EDA: variants seen among roughly 807,000 people sequenced by gnomAD.
The protein encoded by EDA is ectodysplasin-A.
EDA carries 2 observed loss-of-function variants against 23.6 expected under a neutral mutation model. The ratio of observed to expected loss-of-function variants is 0.08; its 90% confidence interval spans 0.03 to 0.27. The LOEUF (loss-of-function observed/expected upper bound fraction) is 0.27. Ranked by LOEUF, EDA falls within the 10% of genes least tolerant of loss-of-function variation. EDA has a pLI of 1.00. For synonymous variants in EDA, 131 were observed against 132.0 expected (o/e 0.99, Z 0.05); for missense variants, 229 against 324.2 (o/e 0.71, Z 2.26).
chrX:69,664,570 G>A (rs1254477258), intron 1 of EDA, among the ~76,000 whole-genome samples: 1 of 112,008 alleles, frequency 8.9e-6, no homozygotes, highest in Non-Finnish European at 1.9e-5. Flanking sequence ...TTCTTTCTGT[G>A]TCTGGCTTAT....
chrX:69,743,051 A>G (rs1047998289), intron 1 of EDA: 1 of 111,099 alleles, frequency 9.0e-6, no homozygotes, highest in African/African-American at 3.3e-5. Context: ...CCACCGGTTA[A>G]GGCAAGTCAC....
At chrX:69,936,089 G>A (rs1186214445) in intron 1 of EDA, among the ~76,000 whole-genome samples, 11 of 107,217 alleles carry the variant, frequency 1.0e-4, no homozygotes, top group Non-Finnish European at 1.9e-5. Flanking sequence ...TACCTTTGTA[G>A]CAACTAGGAA....
chrX:69,840,719 C>T lies in EDA; in HGVS notation c.397-116308C>T, dbSNP rs1406859640. ...TGTAAAGAACATAAATTTATTTTCTCATAGTTTTGGAGGCTGGGAAGTCTA... is the reference window on the plus strand; with the variant it reads ...TGTAAAGAACATAAATTTATTTTCTTATAGTTTTGGAGGCTGGGAAGTCTA... On this transcript the variant is annotated intron_variant, in intron 1 of 7. Transcript: ENST00000374552. Among the ~76,000 whole-genome samples, 3 of 111,969 alleles carry T rather than the reference C, an allele frequency of 2.7e-5. No homozygotes were observed. In the Admixed American group the frequency reaches 2.8e-4, roughly 11 times the overall value.
chrX:69,970,699 A>G (rs1227042617), intron 2 of EDA, among the ~76,000 whole-genome samples: 1 of 111,813 alleles, frequency 8.9e-6, no homozygotes, highest in African/African-American at 3.2e-5. Flanking sequence ...TCCTCAATAG[A>G]CAGCTGTATC....
At chrX:69,623,768 T>C (rs758836902) in intron 1 of EDA, among the ~76,000 whole-genome samples, 7 of 109,425 alleles carry the variant, frequency 6.4e-5, no homozygotes, top group Non-Finnish European at 1.1e-4. Flanking sequence ...TATTTTTACA[T>C]GTGGAGAAGC....
At chrX:69,870,647 T>A (rs1329474470) in intron 1 of EDA, among the ~76,000 whole-genome samples, 4 of 111,443 alleles carry the variant, frequency 3.6e-5, no homozygotes, top group Non-Finnish European at 7.5e-5. Context: ...AAAAGGTTCA[T>A]CAGAGTTTGC....
rs766505281 is a variant in EDA at position 69,883,980 on chromosome X, C to T, written c.397-73047C>T. 5.4e-5 allele frequency among the ~76,000 whole-genome samples: 6 copies of T among 110,508 alleles called. No homozygotes were observed. The South Asian group carries it at 1.6e-3, about 29-fold the overall frequency. On this transcript the variant is annotated intron_variant, in intron 1 of 7. Coordinates refer to ENST00000374552, the MANE Select transcript of EDA (RefSeq NM_001399.5). ...TTAGCCAGGCGTGGTGGGAGGATTG[C>T]TTGAGCCTGAGAGGTCAAGGCTGGA...
chrX:69,967,780 G>A (rs1331327329), intron 2 of EDA, among the ~76,000 whole-genome samples: 1 of 111,877 alleles, frequency 8.9e-6, no homozygotes, highest in African/African-American at 3.3e-5. Flanking sequence ...CTTCATGTAG[G>A]TTCTCACTAT....
At chrX:69,682,039 C>T (rs1302564586) in intron 1 of EDA, among the ~76,000 whole-genome samples, 2 of 111,085 alleles carry the variant, frequency 1.8e-5, no homozygotes, top group African/African-American at 6.6e-5. Flanking sequence ...TTCCTTCTAA[C>T]AGACAGGACC....
At chrX:69,746,316 T>C (rs1025643910) in intron 1 of EDA, among the ~76,000 whole-genome samples, 1 of 111,726 alleles carries the variant, frequency 9.0e-6, no homozygotes, top group Non-Finnish European at 1.9e-5. Context: ...AGTGAAATCA[T>C]ACTCAAATTT....
At chrX:69,847,383 A>G (rs780783575) in intron 1 of EDA, among the ~76,000 whole-genome samples, 2 of 111,153 alleles carry the variant, frequency 1.8e-5, no homozygotes, top group Non-Finnish European at 3.8e-5. Flanking sequence ...TTCCATATAC[A>G]TGCATATTTA....
chrX:69,719,230 T>C (rs370232121), intron 1 of EDA, among the ~76,000 whole-genome samples: 22 of 108,424 alleles, frequency 2.0e-4, no homozygotes, highest in East Asian at 5.6e-4. Flanking sequence ...GTTTTTTTTT[T>C]CCCTAAGGAA....
chrX:69,988,904 G>A (rs1365230687), intron 2 of EDA, among the ~76,000 whole-genome samples: 2 of 111,366 alleles, frequency 1.8e-5, no homozygotes, highest in Non-Finnish European at 3.8e-5. Flanking sequence ...ATAAAAATAA[G>A]GACTTTACTT....
chrX:69,757,066 C>T, intron 1 of EDA, among the ~76,000 whole-genome samples: 1 of 111,551 alleles, frequency 9.0e-6, no homozygotes, highest in Middle Eastern at 4.2e-3. Flanking sequence ...AAAAATTCTA[C>T]TCAAACCAAA....
At chrX:69,689,680 C>T (rs754735977) in intron 1 of EDA, among the ~76,000 whole-genome samples, 25 of 110,876 alleles carry the variant, frequency 2.3e-4, no homozygotes, top group South Asian at 7.8e-4. Context: ...TATTCTGTGC[C>T]GCTGAATTTC....
intron 1 of EDA, among the ~76,000 whole-genome samples, chrX:69,715,165 T>C (rs764098642): frequency 9.3e-6 from 1 of 107,783 alleles, no homozygotes; most frequent in South Asian, 4.2e-4. Context: ...AGGAGTTTGT[T>C]GTACAGATTA....
intron 2 of EDA, among the ~76,000 whole-genome samples, chrX:69,987,614 G>A (rs113723801): frequency 0.051 from 3,661 of 71,658 alleles, 153 homozygotes; most frequent in African/African-American, 0.16. Flanking sequence ...CCTGTTTCCT[G>A]TATCCAAAAA....
intron 3 of EDA, among the ~76,000 whole-genome samples, chrX:70,023,751 T>C (rs2147504854): frequency 9.0e-6 from 1 of 111,569 alleles, no homozygotes; most frequent in East Asian, 2.8e-4. Flanking sequence ...CAGTACCCTA[T>C]TTCTTGGACT....
intron 1 of EDA, among the ~76,000 whole-genome samples, chrX:69,726,104 C>A (rs1048706045): frequency 5.4e-5 from 6 of 111,791 alleles, no homozygotes; most frequent in African/African-American, 1.9e-4. Context: ...TCTAAGATGC[C>A]AGAGAAAAGG....
Sources: gnomAD v4.1 joint callset for allele counts (sites outside exome capture counted in the v4.1 genomes callset) on GRCh38, gnomAD v4.1.1 for gene constraint, MANE v1.5 for transcripts, NCBI Gene and HGNC (gene_info 2026-07-23, HGNC 2026-07-21) for gene names.